LSAMP: variants seen among roughly 807,000 people sequenced by gnomAD.
The protein encoded by LSAMP is limbic system associated membrane protein.
Under a neutral mutation model 38.6 loss-of-function variants are expected in LSAMP, and 7 were observed. That is an observed-to-expected ratio of 0.18 (90% CI 0.10 to 0.34). The LOEUF is 0.34. LSAMP is among the 10% of genes least tolerant of loss of function. LSAMP has a pLI of 1.00. For synonymous variants in LSAMP, 154 were observed against 166.8 expected, an observed-to-expected ratio of 0.92 and a Z score of 0.59; for missense variants, 313 against 420.0, an observed-to-expected ratio of 0.75 and a Z score of 2.23.
At chr3:116,028,942 C>T (rs969956202) in intron 2 of LSAMP, among the ~76,000 whole-genome samples, 2 of 152,072 alleles carry the variant, frequency 1.3e-5, no homozygotes, top group African/African-American at 2.4e-5. Flanking sequence ...GATGTCTAGA[C>T]ACTTTATATC....
At chr3:116,387,967 G>A (rs1189143780) in intron 1 of LSAMP, among the ~76,000 whole-genome samples, 1 of 151,942 alleles carries the variant, frequency 6.6e-6, no homozygotes, top group South Asian at 2.1e-4. Context: ...AGTTGGGTGT[G>A]GTGGTGGGTG....
intron 1 of LSAMP, among the ~76,000 whole-genome samples, chr3:116,377,775 G>A (rs2048512875): frequency 6.6e-6 from 1 of 151,916 alleles, no homozygotes; most frequent in Non-Finnish European, 1.5e-5. Flanking sequence ...ATATGTATAT[G>A]TGTGTCAATA....
At chr3:115,860,160 C>G (rs545237370) in intron 3 of LSAMP, among the ~76,000 whole-genome samples, 2 of 152,322 alleles carry the variant, frequency 1.3e-5, no homozygotes, top group South Asian at 4.1e-4. Flanking sequence ...TCTTAATAAA[C>G]ACTTGCTAGG....
chr3:115,846,323 TTTC>T (rs961512096), intron 4 of LSAMP, among the ~76,000 whole-genome samples: 4 of 152,164 alleles, frequency 2.6e-5, no homozygotes, highest in African/African-American at 9.7e-5. Flanking sequence ...TAATAGGGCC[TTTC>T]TTCTTCTGAC....
At chr3:115,927,133 C>T (rs748610953) in intron 3 of LSAMP, among the ~76,000 whole-genome samples, 9 of 152,286 alleles carry the variant, frequency 5.9e-5, no homozygotes, top group South Asian at 2.1e-4. Context: ...TTCAACCCCA[C>T]GCTTGCTGAC....
intron 3 of LSAMP, among the ~76,000 whole-genome samples, chr3:115,945,037 A>T (rs1938049610): frequency 6.6e-6 from 1 of 151,942 alleles, no homozygotes; most frequent in South Asian, 2.1e-4. Flanking sequence ...CCTCTTCTTT[A>T]CATCCCTCTA....
At chr3:116,047,327 C>T (rs1178897919) in intron 2 of LSAMP, among the ~76,000 whole-genome samples, 2 of 149,752 alleles carry the variant, frequency 1.3e-5, no homozygotes, top group Non-Finnish European at 3.0e-5. Flanking sequence ...CAGACTTAAT[C>T]TTTTCCTTAC....
intron 3 of LSAMP, among the ~76,000 whole-genome samples, chr3:115,957,656 C>T (rs899917420): frequency 6.6e-6 from 1 of 152,158 alleles, no homozygotes; most frequent in Non-Finnish European, 1.5e-5. Flanking sequence ...CCTCAAATGC[C>T]CGCATGGTAT....
intron 1 of LSAMP, among the ~76,000 whole-genome samples, chr3:116,287,432 CAT>C (rs1159203281): frequency 6.6e-6 from 1 of 152,134 alleles, no homozygotes; most frequent in East Asian, 1.9e-4. Flanking sequence ...ATCAGGCTCT[CAT>C]ACAGTAATGA....
At chr3:116,102,330 T>C (rs1251253470) in intron 1 of LSAMP, among the ~76,000 whole-genome samples, 1 of 152,234 alleles carries the variant, frequency 6.6e-6, no homozygotes, top group Non-Finnish European at 1.5e-5. Context: ...CTCAGAATTC[T>C]GTATATCACA....
At chr3:116,424,705 GA>G (rs943884428) in intron 1 of LSAMP, among the ~76,000 whole-genome samples, 9 of 152,272 alleles carry the variant, frequency 5.9e-5, no homozygotes, top group African/African-American at 1.9e-4. Context: ...CCTAGTAAGT[GA>G]AATGCAGTAT....
chr3:116,227,800 G>A (rs1167159346), intron 1 of LSAMP, among the ~76,000 whole-genome samples: 8 of 151,972 alleles, frequency 5.3e-5, no homozygotes, highest in Non-Finnish European at 1.2e-4. Context: ...CATTTTAAAT[G>A]GTCATAACTT....
chr3:116,318,637 C>G (rs34408946), intron 1 of LSAMP, among the ~76,000 whole-genome samples: 2 of 152,078 alleles, frequency 1.3e-5, no homozygotes, highest in African/African-American at 2.4e-5. Flanking sequence ...TTAAACATAA[C>G]GCAGCTAGCA....
At chr3:116,423,164 C>A (rs2049151514) in intron 1 of LSAMP, among the ~76,000 whole-genome samples, 1 of 152,090 alleles carries the variant, frequency 6.6e-6, no homozygotes, top group African/African-American at 2.4e-5. Flanking sequence ...ATTTGCTAAG[C>A]AAATTAGTTT....
At chr3:116,342,260 C>T (rs2048005878) in intron 1 of LSAMP, among the ~76,000 whole-genome samples, 1 of 151,914 alleles carries the variant, frequency 6.6e-6, no homozygotes, top group African/African-American at 2.4e-5. Flanking sequence ...GTTTCAGTGC[C>T]TTTTTAAATA....
chr3:115,816,110 C>T (rs1934008475), intron 6 of LSAMP, among the ~76,000 whole-genome samples: 2 of 152,072 alleles, frequency 1.3e-5, no homozygotes, highest in South Asian at 4.1e-4. Context: ...CACATAGGTA[C>T]CTCTGTGGCT....
chr3:115,976,491 T>G (rs895411701), intron 3 of LSAMP, among the ~76,000 whole-genome samples: 11 of 152,202 alleles, frequency 7.2e-5, no homozygotes, highest in African/African-American at 2.7e-4. Flanking sequence ...GTGAAGGGAC[T>G]TCTATTTGTT....
intron 1 of LSAMP, chr3:116,368,282 A>G (rs1240835358): frequency 6.6e-6 from 1 of 152,192 alleles, no homozygotes; most frequent in Non-Finnish European, 1.5e-5. Context: ...GTAACCTTGC[A>G]CTCATAACTC....
chr3:116,126,723 G>A (rs754755102), intron 1 of LSAMP, among the ~76,000 whole-genome samples: 1 of 152,122 alleles, frequency 6.6e-6, no homozygotes, highest in African/African-American at 2.4e-5. Flanking sequence ...TTAGCTGGGT[G>A]TGGTGGTGCA....
Sources: allele counts gnomAD v4.1 joint callset (sites outside exome capture counted in the v4.1 genomes callset), GRCh38; gene constraint gnomAD v4.1.1; transcripts MANE v1.5; gene names NCBI Gene and HGNC (gene_info 2026-07-23, HGNC 2026-07-21).